The following TRDN variants were observed in gnomAD, a reference collection of about 807,000 sequenced individuals.
TRDN encodes the protein triadin.
In TRDN, 161 loss-of-function variants were observed where a neutral mutation model predicts 149.7. That is an observed-to-expected ratio of 1.08 (90% CI 0.95 to 1.23). The LOEUF (loss-of-function observed/expected upper bound fraction) is 1.23, where lower values mean the gene tolerates loss of function less well. TRDN is among the 50% of genes most tolerant of loss of function. The probability of loss-of-function intolerance (pLI) is 0.00; values close to 1 mark genes in which losing one functional copy is unlikely to be tolerated. For missense variants in TRDN, 896 were observed against 823.5 expected, an observed-to-expected ratio of 1.09 and a Z score of -1.08; for synonymous variants, 294 against 250.5, an observed-to-expected ratio of 1.17 and a Z score of -1.64.
At chr6:123,263,846 C>A (rs1562236028) in intron 33 of TRDN, among the ~76,000 whole-genome samples, 1 of 152,064 alleles carries the variant, frequency 6.6e-6, no homozygotes, top group Non-Finnish European at 1.5e-5. Flanking sequence ...TATGCCAAAT[C>A]TACTCTGCCT....
At chr6:123,422,297 C>T (rs1425687478) in intron 12 of TRDN, among the ~76,000 whole-genome samples, 1 of 152,058 alleles carries the variant, frequency 6.6e-6, no homozygotes, top group Non-Finnish European at 1.5e-5. Flanking sequence ...AGAAAATTTC[C>T]TTAGAATTTT....
Position 123,267,219 on chromosome 6 carries a change from T to C in TRDN, c.1783+488A>G, listed in dbSNP as rs200902831. Among the ~76,000 whole-genome samples the C allele has an allele frequency of 5.9e-5, 9 of 151,754 alleles. No individual in the cohort carries two copies. In the East Asian group the frequency reaches 1.8e-3, roughly 30 times the overall value. Reference sequence around the variant, plus strand: ...TTTTGCAGTTAGCTTCCTATATGCCTCAGTGTTTGAACCATGTGAAATATT... The same window carrying C: ...TTTTGCAGTTAGCTTCCTATATGCCCCAGTGTTTGAACCATGTGAAATATT... On this transcript the variant is annotated intron_variant, in intron 32 of 40. Coordinates refer to ENST00000334268, the MANE Select transcript of TRDN (RefSeq NM_006073.4).
intron 10 of TRDN, chr6:123,463,169 C>T (rs1776562777): frequency 6.6e-6 from 1 of 151,846 alleles, no homozygotes; most frequent in Non-Finnish European, 1.5e-5. Flanking sequence ...AACCCCGTCT[C>T]TACTAAAAAT....
In TRDN at chr6:123,385,352, C is replaced by T. The variant is rs534263966; in HGVS notation, c.1135+3170G>A. Among the ~76,000 whole-genome samples, 8 of 150,622 alleles carry T rather than the reference C, an allele frequency of 5.3e-5. No homozygotes were observed. The East Asian group carries it at 7.8e-4, about 15-fold the overall frequency. On this transcript the variant is annotated intron_variant, in intron 14 of 40. Coordinates refer to ENST00000334268, the MANE Select transcript of TRDN (RefSeq NM_006073.4). The stretch of plus-strand genomic sequence containing the variant: ...CTGAGGCAGGAGAGTGGCATGAACC[C>T]GGGAGGTGGAGCTCGCAGTGAGCAG...
intron 19 of TRDN, among the ~76,000 whole-genome samples, chr6:123,374,915 C>T (rs908954275): frequency 2.6e-5 from 4 of 152,114 alleles, no homozygotes; most frequent in Non-Finnish European, 4.4e-5. Flanking sequence ...ATTGATGTCA[C>T]GCATAGAACT....
In TRDN at chr6:123,216,810, C is replaced by T. The variant is rs1242199045; in HGVS notation, c.*1791G>A. 1 of 151,892 alleles carries T rather than the reference C, an allele frequency of 6.6e-6. No homozygotes were observed. Among genetic ancestry groups the T allele is most frequent in the Non-Finnish European group, 1.5e-5 (1 of 67,918 alleles). The allele number at this position is 151,892 out of a possible 1,614,324, so 9.4% of individuals were successfully genotyped here. On this transcript the variant is annotated 3_prime_UTR_variant, in exon 41 of 41. Transcript: ENST00000334268. ...TTTATTATATTTTTCTTGTACAATA[C>T]AGCACCTAACACAGCGCCCTAAAAG...
intron 38 of TRDN, among the ~76,000 whole-genome samples, chr6:123,247,276 G>C (rs1562228480): frequency 6.7e-6 from 1 of 149,428 alleles, no homozygotes; most frequent in Non-Finnish European, 1.5e-5. Context: ...GAGAAAGAAA[G>C]CATATTTTAA....
chr6:123,227,857 T>C (rs1425697475), intron 38 of TRDN, among the ~76,000 whole-genome samples: 2 of 151,854 alleles, frequency 1.3e-5, no homozygotes, highest in African/African-American at 4.8e-5. Flanking sequence ...TTATACTGAA[T>C]CTACTGTACA....
intron 16 of TRDN, among the ~76,000 whole-genome samples, chr6:123,379,437 G>T (rs1781631159): frequency 6.6e-6 from 1 of 152,128 alleles, no homozygotes; most frequent in South Asian, 2.1e-4. Context: ...ATGTTGTCTG[G>T]CAAATGAAGA....
intron 2 of TRDN, among the ~76,000 whole-genome samples, chr6:123,558,605 C>G (rs993690665): frequency 8.5e-5 from 13 of 152,170 alleles, no homozygotes; most frequent in African/African-American, 3.1e-4. Context: ...GCCCTATACC[C>G]TAAAATGTCA....
At chr6:123,423,573 T>C (rs1253231557) in intron 12 of TRDN, among the ~76,000 whole-genome samples, 1 of 152,176 alleles carries the variant, frequency 6.6e-6, no homozygotes, top group African/African-American at 2.4e-5. Context: ...TGGATGTTTA[T>C]TTGAGTAATA....
intron 23 of TRDN, among the ~76,000 whole-genome samples, chr6:123,324,273 G>A (rs1340860376): frequency 1.3e-5 from 2 of 152,066 alleles, no homozygotes; most frequent in Non-Finnish European, 2.9e-5. Context: ...GTTCAAAAAT[G>A]TAAAAATAAT....
chr6:123,514,148 T>G (rs4320392), intron 6 of TRDN, among the ~76,000 whole-genome samples: 17,272 of 152,166 alleles, frequency 0.11, 1,250 homozygotes, highest in Non-Finnish European at 0.16. Flanking sequence ...GCAGATCACT[T>G]GAGTTCAGGA....
intron 10 of TRDN, among the ~76,000 whole-genome samples, chr6:123,455,713 A>T (rs1272947729): frequency 6.6e-6 from 1 of 152,172 alleles, no homozygotes; most frequent in Non-Finnish European, 1.5e-5. Flanking sequence ...ATGCAGAATC[A>T]TTGCTTACTC....
intron 9 of TRDN, among the ~76,000 whole-genome samples, chr6:123,496,464 TC>T (rs1778451659): frequency 6.6e-6 from 1 of 152,104 alleles, no homozygotes; most frequent in South Asian, 2.1e-4. Context: ...ATGAGCTCCT[TC>T]CTTAACAATA....
intron 21 of TRDN, among the ~76,000 whole-genome samples, chr6:123,347,455 A>G (rs1262492897): frequency 7.2e-5 from 11 of 151,998 alleles, no homozygotes; most frequent in Non-Finnish European, 1.5e-5. Flanking sequence ...TTACAACCTT[A>G]CTTAAAGCAT....
At chr6:123,552,406 A>T (rs73536789) in intron 2 of TRDN, among the ~76,000 whole-genome samples, 4,850 of 152,232 alleles carry the variant, frequency 0.032, 108 homozygotes, top group African/African-American at 0.066. Flanking sequence ...AAAAATCAAG[A>T]CCATAGTTTC....
chr6:123,520,502 C>T (rs1216392475), intron 5 of TRDN, among the ~76,000 whole-genome samples: 3 of 152,052 alleles, frequency 2.0e-5, no homozygotes, highest in Non-Finnish European at 2.9e-5. Flanking sequence ...ATGTGCTGAC[C>T]GAATTCTCCA....
intron 2 of TRDN, among the ~76,000 whole-genome samples, chr6:123,557,601 G>A (rs576641577): frequency 6.6e-6 from 1 of 152,228 alleles, no homozygotes; most frequent in Admixed American, 6.5e-5. Flanking sequence ...ACGGACTCGG[G>A]AAAACAGTCT....
Sources: allele counts gnomAD v4.1 joint callset (sites outside exome capture counted in the v4.1 genomes callset), GRCh38; gene constraint gnomAD v4.1.1; transcripts MANE v1.5; gene names NCBI Gene and HGNC (gene_info 2026-07-23, HGNC 2026-07-21).